The following COL4A1 variants were observed in gnomAD, a reference collection of about 807,000 sequenced individuals.
COL4A1 encodes the protein collagen type IV alpha 1 chain.
A neutral mutation model predicts 216.6 loss-of-function variants in COL4A1; 40 were observed. The observed-to-expected ratio is 0.18, with a 90% CI of 0.14 to 0.24. The LOEUF is 0.24. COL4A1 is among the 10% of genes least tolerant of loss of function. The probability of loss-of-function intolerance (pLI) is 1.00; values close to 1 mark genes in which losing one functional copy is unlikely to be tolerated. For synonymous variants in COL4A1, 839 were observed against 810.7 expected (o/e 1.03, Z -0.59); for missense variants, 1,628 against 2,196.8 (o/e 0.74, Z 5.18).
intron 2 of COL4A1, among the ~76,000 whole-genome samples, chr13:110,232,881 C>G (rs1019461688): frequency 2.6e-5 from 4 of 152,136 alleles, no homozygotes; most frequent in Admixed American, 2.6e-4. Context: ...GTATGATGGT[C>G]TCTCCTGAGT....
chr13:110,242,555 G>T, intron 2 of COL4A1, 120 bp downstream of exon 2: 1 of 1,141,836 alleles, frequency 8.8e-7, no homozygotes, highest in Non-Finnish European at 1.3e-6. Context: ...TTGCTCTGGG[G>T]AAATTATCAA....
chr13:110,301,774 A>G (rs1884502943), intron 1 of COL4A1, among the ~76,000 whole-genome samples: 1 of 152,200 alleles, frequency 6.6e-6, no homozygotes, highest in African/African-American at 2.4e-5. Context: ...TGCAGAGATT[A>G]TCCTTCCTTA....
intron 1 of COL4A1, among the ~76,000 whole-genome samples, chr13:110,260,926 A>AC (rs1332645818): frequency 2.0e-5 from 3 of 151,880 alleles, no homozygotes; most frequent in Non-Finnish European, 4.4e-5. Context: ...AGTCCCAGCT[A>AC]CTCGGGAGGC....
intron 19 of COL4A1, 65 bp from the exon 20 acceptor site, chr13:110,200,954 T>C: frequency 6.5e-7 from 1 of 1,547,726 alleles, no homozygotes; most frequent in African/African-American, 1.4e-5. Flanking sequence ...CACTTCTTAT[T>C]TCTCTACTGA....
chr13:110,242,950 G>C (rs1481053642), intron 1 of COL4A1, among the ~76,000 whole-genome samples: 1 of 143,342 alleles, frequency 7.0e-6, no homozygotes, highest in East Asian at 1.9e-4. Flanking sequence ...AAATCCTTGA[G>C]TAGAACAAAT....
At chr13:110,160,853 C>T (rs1182793953) in intron 49 of COL4A1, among the ~76,000 whole-genome samples, 1 of 152,140 alleles carries the variant, frequency 6.6e-6, no homozygotes, top group African/African-American at 2.4e-5. Flanking sequence ...GGACCACAGG[C>T]TCACACCACC....
At chr13:110,294,283 G>A (rs1360463749) in intron 1 of COL4A1, among the ~76,000 whole-genome samples, 3 of 152,172 alleles carry the variant, frequency 2.0e-5, no homozygotes, top group African/African-American at 7.2e-5. Flanking sequence ...ACAGGGTCCG[G>A]CTGACATGGC....
At chr13:110,266,420 G>C (rs115203968) in intron 1 of COL4A1, among the ~76,000 whole-genome samples, 2 of 152,190 alleles carry the variant, frequency 1.3e-5, no homozygotes, top group East Asian at 3.9e-4. Context: ...GCCAACCCCC[G>C]GTCCTCCAGC....
intron 1 of COL4A1, among the ~76,000 whole-genome samples, chr13:110,247,485 A>G (rs1035210452): frequency 6.6e-6 from 1 of 152,208 alleles, no homozygotes; most frequent in Non-Finnish European, 1.5e-5. Context: ...TCATGCTCCA[A>G]TTAAGATATT....
At chr13:110,212,642 T>G in intron 4 of COL4A1, 24 bp from the exon 5 acceptor site, 1 of 1,613,244 alleles carries the variant, frequency 6.2e-7, no homozygotes, top group Non-Finnish European at 8.5e-7. Flanking sequence ...AGTAAAAGCG[T>G]GTCAGTGAAG....
At chr13:110,279,773 G>A (rs1883557620) in intron 1 of COL4A1, among the ~76,000 whole-genome samples, 1 of 152,176 alleles carries the variant, frequency 6.6e-6, no homozygotes, top group Admixed American at 6.5e-5. Context: ...CCATTTCACA[G>A]TATTTTCTTT....
At chr13:110,273,861 A>G (rs1883339958) in intron 1 of COL4A1, among the ~76,000 whole-genome samples, 1 of 152,212 alleles carries the variant, frequency 6.6e-6, no homozygotes, top group Non-Finnish European at 1.5e-5. Context: ...CTGCCAAAAG[A>G]GCATTACAAC....
chr13:110,183,876 C>A (rs1165148901), intron 26 of COL4A1, among the ~76,000 whole-genome samples: 1 of 152,174 alleles, frequency 6.6e-6, no homozygotes, highest in Non-Finnish European at 1.5e-5. Context: ...CTAGGAGAGC[C>A]ACCGGAGTGT....
At chr13:110,253,675 A>C (rs1331248162) in intron 1 of COL4A1, among the ~76,000 whole-genome samples, 1 of 137,670 alleles carries the variant, frequency 7.3e-6, no homozygotes, top group Non-Finnish European at 1.6e-5. Flanking sequence ...ATGTGTATGT[A>C]TGTATTACAT....
intron 51 of COL4A1, among the ~76,000 whole-genome samples, chr13:110,150,807 C>T (rs1371735845): frequency 6.6e-6 from 1 of 152,244 alleles, no homozygotes; most frequent in Non-Finnish European, 1.5e-5. Flanking sequence ...TTCTCCTCCA[C>T]TAGATCATAA....
Position 110,219,144 on chromosome 13 carries a change from A to C in COL4A1, c.145-5129T>G, listed in dbSNP as rs188806176. Reference sequence around the variant, plus strand: ...CGCCGGGAGCTCCCTCCACACCATGAGGCTTGACGTCAGGGCAGGAATACT... The same window carrying C: ...CGCCGGGAGCTCCCTCCACACCATGCGGCTTGACGTCAGGGCAGGAATACT... On this transcript the variant is annotated intron_variant, in intron 2 of 51. Coordinates refer to ENST00000375820, the MANE Select transcript of COL4A1 (RefSeq NM_001845.6). Among the ~76,000 whole-genome samples, 72 of 152,288 alleles carry C rather than the reference A, an allele frequency of 4.7e-4. No homozygotes were observed. The East Asian group carries it at 0.013, about 28-fold the overall frequency.
intron 22 of COL4A1, among the ~76,000 whole-genome samples, chr13:110,193,329 C>T (rs1174898286): frequency 6.6e-6 from 1 of 152,194 alleles, no homozygotes; most frequent in Non-Finnish European, 1.5e-5. Flanking sequence ...GTGCTTAGTC[C>T]AGTTCATGGA....
intron 2 of COL4A1, among the ~76,000 whole-genome samples, chr13:110,223,723 T>A (rs957135480): frequency 6.6e-6 from 1 of 152,138 alleles, no homozygotes; most frequent in South Asian, 2.1e-4. Flanking sequence ...TTATCTAATA[T>A]GACAAAGCTG....
chr13:110,205,209 C>T, intron 17 of COL4A1, 144 bp downstream of exon 17: 2 of 892,336 alleles, frequency 2.2e-6, no homozygotes, highest in Non-Finnish European at 3.5e-6. Context: ...TAAAGGAAAC[C>T]ACTAAATTGT....
Sources: gnomAD v4.1 joint callset for allele counts (sites outside exome capture counted in the v4.1 genomes callset) on GRCh38, gnomAD v4.1.1 for gene constraint, MANE v1.5 for transcripts, NCBI Gene and HGNC (gene_info 2026-07-23, HGNC 2026-07-21) for gene names.